VPS8: variants seen among roughly 807,000 people sequenced by gnomAD.
VPS8 encodes VPS8 subunit of CORVET complex.
A neutral mutation model predicts 216.4 loss-of-function variants in VPS8; 129 were observed. That is an observed-to-expected ratio of 0.60 (90% CI 0.52 to 0.69). The LOEUF is 0.69. VPS8 is among the 30% of genes least tolerant of loss of function. VPS8 has a pLI of 0.00. For synonymous variants in VPS8, 571 were observed against 565.4 expected (o/e 1.01, Z -0.14); for missense variants, 1,531 against 1,683.5 (o/e 0.91, Z 1.59).
At chr3:184,868,687 C>G (rs548559536) in intron 18 of VPS8, among the ~76,000 whole-genome samples, 56 of 152,310 alleles carry the variant, frequency 3.7e-4, no homozygotes, top group African/African-American at 1.3e-3. Context: ...AACAACTAGC[C>G]ATTTCTGCTA....
intron 14 of VPS8, 81 bp downstream of exon 14, chr3:184,855,899 G>T: frequency 9.0e-7 from 1 of 1,115,520 alleles, no homozygotes; most frequent in South Asian, 1.5e-5. Flanking sequence ...AGAGAAATTT[G>T]TGTTACTATC....
intron 21 of VPS8, 97 bp from the exon 22 acceptor site, chr3:184,886,013 C>T: frequency 7.5e-7 from 1 of 1,339,384 alleles, no homozygotes. Context: ...GTTATATCCT[C>T]CTAACAATCT....
chr3:184,855,075 A>G (rs1349429632), intron 13 of VPS8, among the ~76,000 whole-genome samples: 1 of 152,296 alleles, frequency 6.6e-6, no homozygotes, highest in East Asian at 1.9e-4. Context: ...GATGGCCATT[A>G]ACATTTGTTA....
rs1455210344 is a variant in VPS8, at chr3:184,982,561, T to C, written c.3421-5T>C. The stretch of plus-strand genomic sequence containing the variant: ...CTTTTTCTTTGATTTTCTCTGACAT[T>C]ATAGGCACTTTGGTTTCCGTTATTG... On this transcript the variant is annotated splice_polypyrimidine_tract_variant and splice_region_variant and intron_variant, in intron 40 of 47. Transcript: ENST00000625842. The C allele has an allele frequency of 1.9e-6, 3 of 1,607,944 alleles. No homozygotes were observed. Among genetic ancestry groups the C allele is most frequent in the Middle Eastern group, 1.7e-4 (1 of 6,044 alleles).
At chr3:184,849,316 AC>A in intron 9 of VPS8, 121 bp downstream of exon 9, 1 of 1,164,484 alleles carries the variant, frequency 8.6e-7, no homozygotes. Context: ...TGTAGAGCTA[AC>A]CAGAGATTGC....
intron 42 of VPS8, among the ~76,000 whole-genome samples, chr3:184,990,941 A>G (rs1332218252): frequency 1.4e-5 from 2 of 147,498 alleles, no homozygotes; most frequent in South Asian, 2.1e-4. Flanking sequence ...TTTTTTTTCC[A>G]TGAATATTAG....
chr3:184,929,154 A>G (rs1740228658), intron 32 of VPS8, among the ~76,000 whole-genome samples: 1 of 152,148 alleles, frequency 6.6e-6, no homozygotes, highest in African/African-American at 2.4e-5. Context: ...TATTCACTGT[A>G]ACTTTATTTA....
chr3:184,862,677 G>C, intron 15 of VPS8, among the ~76,000 whole-genome samples: 1 of 152,178 alleles, frequency 6.6e-6, no homozygotes, highest in Non-Finnish European at 1.5e-5. Context: ...TTTACACTAT[G>C]AAAGTGTCAT....
chr3:184,982,961 T>G, intron 41 of VPS8, 51 bp from the exon 42 acceptor site: 7 of 1,470,424 alleles, frequency 4.8e-6, no homozygotes, highest in Non-Finnish European at 6.4e-6. Context: ...TAGGAAAAAC[T>G]GAAAACTCTT....
At chr3:184,910,943 G>GT (rs1736407807) in intron 25 of VPS8, among the ~76,000 whole-genome samples, 1 of 152,136 alleles carries the variant, frequency 6.6e-6, no homozygotes, top group African/African-American at 2.4e-5. Context: ...ATTTTTTACT[G>GT]TAAGGGTGGG....
At chr3:184,932,933 CTTGAGCATA>C (rs112112089) in intron 34 of VPS8, among the ~76,000 whole-genome samples, 350 of 152,322 alleles carry the variant, frequency 2.3e-3, no homozygotes, top group Middle Eastern at 0.01. Flanking sequence ...ATATGTGCAT[CTTGAGCATA>C]GCCACATACA....
intron 35 of VPS8, 145 bp downstream of exon 35, chr3:184,936,480 G>A: frequency 1.5e-6 from 1 of 668,468 alleles, no homozygotes; most frequent in Non-Finnish European, 2.4e-6. Flanking sequence ...AGTGATTGTG[G>A]TTTTTGCCAT....
chr3:184,839,173 C>G (rs183819812), intron 6 of VPS8: 1 of 181,940 alleles, frequency 5.5e-6, no homozygotes, highest in East Asian at 1.7e-4. Flanking sequence ...TTGTAGAGAA[C>G]TAGGGGATAT....
chr3:184,964,474 C>T lies in VPS8; in HGVS notation c.3190C>T (p.Gln1064Ter). The change falls in exon 38 of 48, where the codon CAG (glutamine) becomes TAG (stop). Residue 1064 changes from glutamine (Q) to a stop codon, truncating the protein, a stop_gained. Transcript: ENST00000625842. LOFTEE classifies it high-confidence loss of function. ...TATCTTTTTTATTTCCTAGATTACTCAGAAGTATCAACTTCATGAAGTCAC... is the reference window on the plus strand; with the variant it reads ...TATCTTTTTTATTTCCTAGATTACTTAGAAGTATCAACTTCATGAAGTCAC... ...YRLEETIQITQKYQLHEVTAY... is the reference protein window; with the variant it reads ...YRLEETIQIT 6.7e-7 allele frequency: 1 copy of T among 1,495,246 alleles called. No individual in the cohort carries two copies. The highest frequency in any genetic ancestry group is 9.0e-7 in the Non-Finnish European group (1 of 1,114,518). The allele number at this position is 1,495,246 out of a possible 1,614,324, so 92.6% of individuals were successfully genotyped here. A position where few individuals can be genotyped will look rare whatever the true frequency, so the allele number is the denominator to read the frequency against.
In VPS8 at chr3:184,920,213, A is replaced by T. The variant is rs1206280110; in HGVS notation, c.2454+15A>T. ...TTTTGTTGAAAGTAAGTATTCAAAG[A>T]ATACATGTCTTTATATTGATATTTA... On this transcript the variant is annotated intron_variant, in intron 29 of 47. Transcript: ENST00000625842. 1.4e-6 allele frequency: 2 copies of T among 1,475,714 alleles called. No individual in the cohort carries two copies. Among genetic ancestry groups the T allele is most frequent in the Admixed American group, 4.7e-5 (2 of 42,180 alleles). The allele number at this position is 1,475,714 out of a possible 1,614,324, so 91.4% of individuals were successfully genotyped here. A position where few individuals can be genotyped will look rare whatever the true frequency, so the allele number is the denominator to read the frequency against.
intron 25 of VPS8, among the ~76,000 whole-genome samples, chr3:184,910,480 C>A (rs954118083): frequency 6.6e-6 from 1 of 152,166 alleles, no homozygotes; most frequent in African/African-American, 2.4e-5. Flanking sequence ...CCAGAGCCCA[C>A]GTGTTTCTCT....
intron 13 of VPS8, among the ~76,000 whole-genome samples, 189 bp downstream of exon 13, chr3:184,854,362 A>G (rs573431636): frequency 6.6e-6 from 1 of 152,316 alleles, no homozygotes; most frequent in African/African-American, 2.4e-5. Flanking sequence ...TGACCAGCAC[A>G]GTGTCCTAGG....
chr3:184,940,270 T>TTATATATATATATATATATATATATA (rs5855048), intron 36 of VPS8, 27 bp downstream of exon 36: 48 of 579,888 alleles, frequency 8.3e-5, no homozygotes, highest in African/African-American at 7.6e-4. Context: ...TAGTCTTTCA[T>TTATATATATATATATATATATATATA]TATATATATA....
At chr3:184,981,502 C>T (rs927758543) in intron 40 of VPS8, among the ~76,000 whole-genome samples, 3 of 147,188 alleles carry the variant, frequency 2.0e-5, no homozygotes, top group East Asian at 4.1e-4. Context: ...GGCGTGATCT[C>T]GGCTCACTGC....
Sources: gnomAD v4.1 joint callset for allele counts (sites outside exome capture counted in the v4.1 genomes callset) on GRCh38, gnomAD v4.1.1 for gene constraint, MANE v1.5 for transcripts, NCBI Gene and HGNC (gene_info 2026-07-23, HGNC 2026-07-21) for gene names.